The following ROBO1 variants were observed in gnomAD, a reference collection of about 807,000 sequenced individuals.
ROBO1 encodes the protein roundabout guidance receptor 1.
In ROBO1, 149 loss-of-function variants were observed where a neutral mutation model predicts 195.9. That is an observed-to-expected ratio of 0.76 (90% CI 0.67 to 0.87). The LOEUF is 0.87. Ranked by LOEUF, ROBO1 falls within the 40% of genes least tolerant of loss-of-function variation. The pLI is 0.00. For missense variants in ROBO1, 1,933 were observed against 2,068.3 expected (o/e 0.93, Z 1.27); for synonymous variants, 816 against 733.2 (o/e 1.11, Z -1.82).
chr3:79,511,971 A>T (rs1317146634), intron 2 of ROBO1, among the ~76,000 whole-genome samples: 1 of 152,122 alleles, frequency 6.6e-6, no homozygotes, highest in Non-Finnish European at 1.5e-5. Context: ...ATTAATGGAT[A>T]CTGGGCTTTA....
In ROBO1 at chr3:79,589,924, C is replaced by T. The variant is rs2107818242; in HGVS notation, c.-13G>A. On this transcript the variant is annotated 5_prime_UTR_variant, in exon 2 of 31. Coordinates refer to ENST00000464233, the MANE Select transcript of ROBO1 (RefSeq NM_002941.4). ...GTTTCCATTTCATCTTTGTCCCTTC[C>T]TTGCATTACAACCAGCCAGTGACAG... 6.3e-7 allele frequency: 1 copy of T among 1,594,188 alleles called. No individual in the cohort carries two copies. The highest frequency in any genetic ancestry group is 2.2e-5 in the East Asian group (1 of 44,588).
At chr3:78,856,950 C>A (rs535666764) in intron 4 of ROBO1, among the ~76,000 whole-genome samples, 16 of 151,884 alleles carry the variant, frequency 1.1e-4, no homozygotes, top group Admixed American at 3.3e-4. Flanking sequence ...TTAAAATTCT[C>A]ATTTCAAACT....
At chr3:79,033,668 T>C (rs1255902820) in intron 3 of ROBO1, among the ~76,000 whole-genome samples, 1 of 152,168 alleles carries the variant, frequency 6.6e-6, no homozygotes, top group African/African-American at 2.4e-5. Context: ...AGGGTGGCCT[T>C]GCTGGTTTTT....
At position 79,576,069 on chromosome 3, in the gene ROBO1, C is replaced by T. The variant is rs539169290; in HGVS notation, c.88+13755G>A. On this transcript the variant is annotated intron_variant, in intron 2 of 30. Transcript: ENST00000464233. ...CATAACATATTATGACTTCTCTATA[C>T]AGCTTAAAATTTTCTCTCACTAAAT... Among the ~76,000 whole-genome samples the T allele has an allele frequency of 3.9e-5, 6 of 152,056 alleles. No homozygotes were observed. The South Asian group carries it at 1.0e-3, about 26-fold the overall frequency.
At chr3:79,011,642 A>G (rs1053285804) in intron 3 of ROBO1, among the ~76,000 whole-genome samples, 2 of 149,018 alleles carry the variant, frequency 1.3e-5, no homozygotes, top group East Asian at 3.9e-4. Context: ...TTTTATATAT[A>G]TTTTTTTCAT....
intron 4 of ROBO1, among the ~76,000 whole-genome samples, chr3:78,923,835 A>G (rs2039070185): frequency 6.6e-6 from 1 of 152,174 alleles, no homozygotes; most frequent in Non-Finnish European, 1.5e-5. Context: ...GAAGGAGGCG[A>G]TGCAAACAGT....
At chr3:78,932,631 C>T (rs1426100970) in intron 4 of ROBO1, among the ~76,000 whole-genome samples, 1 of 151,904 alleles carries the variant, frequency 6.6e-6, no homozygotes, top group East Asian at 1.9e-4. Flanking sequence ...CCTTTTTTGG[C>T]CACCTAAGAA....
At chr3:78,936,261 T>A (rs1382839678) in intron 4 of ROBO1, among the ~76,000 whole-genome samples, 2 of 152,038 alleles carry the variant, frequency 1.3e-5, no homozygotes, top group African/African-American at 4.8e-5. Context: ...GAAATACAGT[T>A]GTTGTTACAG....
chr3:79,592,972 T>C (rs1329656854), intron 1 of ROBO1, among the ~76,000 whole-genome samples: 3 of 152,062 alleles, frequency 2.0e-5, no homozygotes, highest in Non-Finnish European at 4.4e-5. Flanking sequence ...TGGAATGTCA[T>C]ATAGGCATAA....
intron 1 of ROBO1, among the ~76,000 whole-genome samples, chr3:79,710,824 A>G (rs528704324): frequency 1.3e-5 from 2 of 152,284 alleles, no homozygotes; most frequent in African/African-American, 4.8e-5. Context: ...CCTACTTGTC[A>G]ACAATTATTT....
intron 8 of ROBO1, among the ~76,000 whole-genome samples, chr3:78,690,897 TCTC>T: frequency 6.6e-6 from 1 of 152,214 alleles, no homozygotes; most frequent in Non-Finnish European, 1.5e-5. Flanking sequence ...AAATGCCAGT[TCTC>T]CTCAAACCTC....
At chr3:78,630,191 C>T (rs568831575) in intron 25 of ROBO1, among the ~76,000 whole-genome samples, 23 of 152,282 alleles carry the variant, frequency 1.5e-4, no homozygotes, top group African/African-American at 5.5e-4. Flanking sequence ...ATGTATTGGT[C>T]AGTGGACAAA....
chr3:79,767,138 C>T (rs1479587614), intron 1 of ROBO1, among the ~76,000 whole-genome samples: 1 of 152,130 alleles, frequency 6.6e-6, no homozygotes, highest in Non-Finnish European at 1.5e-5. Context: ...CACCTAGTAA[C>T]GCTTATTTTC....
At chr3:79,260,642 G>C (rs1421169170) in intron 2 of ROBO1, among the ~76,000 whole-genome samples, 1 of 152,046 alleles carries the variant, frequency 6.6e-6, no homozygotes, top group Non-Finnish European at 1.5e-5. Context: ...TTTAAAGAAA[G>C]TCTCACAACA....
intron 3 of ROBO1, among the ~76,000 whole-genome samples, chr3:79,054,535 A>C (rs1034157292): frequency 2.0e-5 from 3 of 152,102 alleles, no homozygotes; most frequent in Non-Finnish European, 4.4e-5. Context: ...TCAGACACCC[A>C]CAGAGCTATT....
At chr3:79,185,388 C>A (rs750468631) in intron 2 of ROBO1, among the ~76,000 whole-genome samples, 1 of 152,120 alleles carries the variant, frequency 6.6e-6, no homozygotes, top group Non-Finnish European at 1.5e-5. Flanking sequence ...CAAAAAGTTT[C>A]ATTTTCACTC....
intron 3 of ROBO1, among the ~76,000 whole-genome samples, chr3:78,950,087 G>C (rs2040688129): frequency 6.6e-6 from 1 of 152,146 alleles, no homozygotes; most frequent in African/African-American, 2.4e-5. Flanking sequence ...TTCAACCATT[G>C]TGGAAGTCCG....
At chr3:79,251,518 C>T (rs1476896875) in intron 2 of ROBO1, among the ~76,000 whole-genome samples, 1 of 151,984 alleles carries the variant, frequency 6.6e-6, no homozygotes, top group African/African-American at 2.4e-5. Context: ...TTTGGGAGGC[C>T]GAGGAGAGTG....
At chr3:79,396,215 G>A (rs1294453410) in intron 2 of ROBO1, among the ~76,000 whole-genome samples, 1 of 152,030 alleles carries the variant, frequency 6.6e-6, no homozygotes, top group Non-Finnish European at 1.5e-5. Flanking sequence ...AATAAAATTG[G>A]AGTACTATGG....
Sources: gnomAD v4.1 joint callset for allele counts (sites outside exome capture counted in the v4.1 genomes callset) on GRCh38, gnomAD v4.1.1 for gene constraint, MANE v1.5 for transcripts, NCBI Gene and HGNC (gene_info 2026-07-23, HGNC 2026-07-21) for gene names.